STAB2: variants seen among roughly 807,000 people sequenced by gnomAD.
STAB2 encodes stabilin 2.
Under a neutral mutation model 338.1 loss-of-function variants are expected in STAB2, and 288 were observed. The observed-to-expected ratio is 0.85, with a 90% CI of 0.77 to 0.94. The LOEUF is 0.94. Ranked by LOEUF, STAB2 falls within the 40% of genes least tolerant of loss-of-function variation. The probability of loss-of-function intolerance (pLI) is 0.00; values close to 1 mark genes in which losing one functional copy is unlikely to be tolerated. For missense variants in STAB2, 3,141 were observed against 3,210.1 expected (o/e 0.98, Z 0.52); for synonymous variants, 1,202 against 1,193.3 (o/e 1.01, Z -0.15).
intron 12 of STAB2, 28 bp from the exon 13 acceptor site, chr12:103,654,525 ATC>A (rs1874026530): frequency 6.2e-7 from 1 of 1,608,976 alleles, no homozygotes; most frequent in East Asian, 2.2e-5. Context: ...CACCATAGTA[ATC>A]TTATTTTATC....
At chr12:103,692,610 TGTGC>T (rs1446475762) in intron 30 of STAB2, among the ~76,000 whole-genome samples, 198 bp from the exon 31 acceptor site, 11 of 148,476 alleles carry the variant, frequency 7.4e-5, no homozygotes, top group African/African-American at 2.7e-4. Context: ...TGTGTGTGTG[TGTGC>T]GTGTGCACGT....
chr12:103,766,376 C>A lies in STAB2; in HGVS notation c.*40C>A. The A allele has an allele frequency of 6.3e-7, 1 of 1,580,096 alleles. No individual in the cohort carries two copies. The highest frequency in any genetic ancestry group is 8.6e-7 in the Non-Finnish European group (1 of 1,162,380). On this transcript the variant is annotated 3_prime_UTR_variant, in exon 69 of 69. Transcript: ENST00000388887. ...GATGCCAGCCATCACTCACTGCCACCTGGGCCATCAACTGTGAATTCTCAG... is the reference window on the plus strand; with the variant it reads ...GATGCCAGCCATCACTCACTGCCACATGGGCCATCAACTGTGAATTCTCAG...
intron 27 of STAB2, 115 bp from the exon 28 acceptor site, chr12:103,688,053 C>G: frequency 1.0e-6 from 1 of 983,964 alleles, no homozygotes; most frequent in Non-Finnish European, 1.6e-6. Flanking sequence ...ACGAGCCTAG[C>G]CCCAGGAAGG....
intron 52 of STAB2, among the ~76,000 whole-genome samples, chr12:103,736,568 A>G (rs1435859045): frequency 6.6e-6 from 1 of 152,124 alleles, no homozygotes; most frequent in Non-Finnish European, 1.5e-5. Context: ...AGAGAAGGAT[A>G]GTAAGAATGC....
intron 34 of STAB2, 55 bp from the exon 35 acceptor site, chr12:103,703,093 T>A (rs1379011272): frequency 6.3e-7 from 1 of 1,574,958 alleles, no homozygotes; most frequent in Non-Finnish European, 8.6e-7. Context: ...CTTCCTATCT[T>A]TTCCATATCT....
At chr12:103,745,138 C>A in intron 56 of STAB2, 35 bp from the exon 57 acceptor site, 1 of 1,580,646 alleles carries the variant, frequency 6.3e-7, no homozygotes, top group South Asian at 1.2e-5. Context: ...GGGTCTCAAC[C>A]CCTGATGACT....
At chr12:103,611,621 A>T (rs2138599807) in intron 3 of STAB2, among the ~76,000 whole-genome samples, 1 of 152,242 alleles carries the variant, frequency 6.6e-6, no homozygotes, top group Admixed American at 6.5e-5. Context: ...CAGCACACTG[A>T]TGGGTCTTGA....
Position 103,587,534 on chromosome 12 carries a change from T to C in STAB2, c.58T>C (p.Ser20Pro), listed in dbSNP as rs1211431275. ...TGGATTGGTTGTACAAAATTTCTGC[T>C]CCCCAGCTGAAACCACAGGGCAGGT... ...CLGLVVQNFCSPAETTGQARR... is the reference protein window; with the variant it reads ...CLGLVVQNFCPPAETTGQARR... Residue 20 changes from serine (S) to proline (P), a missense_variant, in exon 1 of 69, where the codon TCC becomes CCC. Ser to Pro is a moderately conservative substitution (Grantham distance 74). Coordinates refer to ENST00000388887, the MANE Select transcript of STAB2 (RefSeq NM_017564.10). The C allele has an allele frequency of 1.2e-6, 2 of 1,614,072 alleles. No homozygotes were observed. The highest frequency in any genetic ancestry group is 2.2e-5 in the East Asian group (1 of 44,878).
intron 63 of STAB2, 150 bp from the exon 64 acceptor site, chr12:103,758,020 G>A (rs10861091): frequency 0.17 from 193,637 of 1,139,424 alleles, 18,585 homozygotes; most frequent in East Asian, 0.4. Context: ...CTCCCACGGC[G>A]CAGGCAGAAG....
intron 34 of STAB2, among the ~76,000 whole-genome samples, chr12:103,702,387 T>C (rs1305995288): frequency 6.6e-6 from 1 of 151,712 alleles, no homozygotes; most frequent in Non-Finnish European, 1.5e-5. Flanking sequence ...CAAGCTCCGC[T>C]TCCCGGGTTC....
intron 3 of STAB2, among the ~76,000 whole-genome samples, chr12:103,604,320 GT>G (rs1455585507): frequency 1.3e-5 from 2 of 152,006 alleles, no homozygotes; most frequent in East Asian, 3.9e-4. Flanking sequence ...TTGGTGTATA[GT>G]TTTCTTTTCT....
At chr12:103,625,112 A>T (rs1957361028) in intron 5 of STAB2, among the ~76,000 whole-genome samples, 1 of 152,218 alleles carries the variant, frequency 6.6e-6, no homozygotes, top group African/African-American at 2.4e-5. Context: ...TAGGCTAAAT[A>T]AATATTGAAA....
At chr12:103,607,934 T>C (rs1957058202) in intron 3 of STAB2, among the ~76,000 whole-genome samples, 1 of 152,194 alleles carries the variant, frequency 6.6e-6, no homozygotes. Flanking sequence ...ATGGTATTTC[T>C]AGTTCTAGAT....
chr12:103,715,978 G>A (rs149481529), intron 43 of STAB2, 90 bp downstream of exon 43: 25,508 of 1,370,108 alleles, frequency 0.019, 297 homozygotes, highest in Non-Finnish European at 0.02. Flanking sequence ...GGCTGAGAAC[G>A]GACCTCTAAA....
In STAB2 at chr12:103,749,152, G is replaced by A. The variant is rs966867384; in HGVS notation, c.6434G>A (p.Gly2145Asp). The part of the protein sequence containing the change: ...CHEHATCKMT[G>D]PGKHKCECKS... ...GAGCACGCCACCTGTAAGATGACAG[G>A]CCCGGTGAGTCGCTCTTTCCCAGGG... The change falls in exon 59 of 69, where the codon GGC (glycine) becomes GAC (aspartate). Residue 2145 changes from glycine (G) to aspartate (D), a missense_variant. Transcript: ENST00000388887. 1 of 1,595,694 alleles carries A rather than the reference G, an allele frequency of 6.3e-7. No individual in the cohort carries two copies. The highest frequency in any genetic ancestry group is 8.6e-7 in the Non-Finnish European group (1 of 1,166,588).
intron 8 of STAB2, among the ~76,000 whole-genome samples, chr12:103,639,510 C>A (rs1957604014): frequency 6.6e-6 from 1 of 151,974 alleles, no homozygotes; most frequent in East Asian, 1.9e-4. Context: ...CAAGACCAAC[C>A]TGGGCAACAT....
rs533467912 is a variant in STAB2, at chr12:103,678,834, T to C, written c.2805+1223T>C. 2.0e-5 allele frequency among the ~76,000 whole-genome samples: 3 copies of C among 151,688 alleles called. No individual in the cohort carries two copies. The South Asian group carries it at 6.3e-4, about 32-fold the overall frequency. On this transcript the variant is annotated intron_variant, in intron 25 of 68. Transcript: ENST00000388887. ...GGTGTAAGCCACCATGCCCAGCCAA[T>C]CTTCCTTATTTAAAAATATCCAAGA...
chr12:103,733,581 G>T (rs1881817936), intron 51 of STAB2, among the ~76,000 whole-genome samples: 1 of 152,134 alleles, frequency 6.6e-6, no homozygotes, highest in Non-Finnish European at 1.5e-5. Flanking sequence ...GATTGATCCA[G>T]CTTCAATCAA....
chr12:103,739,266 C>A, intron 53 of STAB2, 146 bp from the exon 54 acceptor site: 2 of 664,710 alleles, frequency 3.0e-6, no homozygotes, highest in Non-Finnish European at 4.6e-6. Context: ...TGTCAGCCAC[C>A]ATGCCTGGCC....
Sources: allele counts gnomAD v4.1 joint callset (sites outside exome capture counted in the v4.1 genomes callset), GRCh38; gene constraint gnomAD v4.1.1; transcripts MANE v1.5; gene names NCBI Gene and HGNC (gene_info 2026-07-23, HGNC 2026-07-21).